STMND1: variants seen among roughly 807,000 people sequenced by gnomAD.
STMND1 encodes stathmin domain containing 1.
Under a neutral mutation model 23.0 loss-of-function variants are expected in STMND1, and 17 were observed. That is an observed-to-expected ratio of 0.74 (90% CI 0.51 to 1.11). STMND1 has a LOEUF of 1.11. Among genes scored for constraint, STMND1 ranks in the 50% least tolerant of loss-of-function variants. The probability of loss-of-function intolerance (pLI) is 0.00; values close to 1 mark genes in which losing one functional copy is unlikely to be tolerated. For synonymous variants in STMND1, 114 were observed against 119.9 expected (o/e 0.95, Z 0.32); for missense variants, 305 against 329.1 (o/e 0.93, Z 0.57).
chr6:17,115,080 C>T lies in STMND1; in HGVS notation c.200C>T (p.Pro67Leu), dbSNP rs1480806362. 1 of 1,535,990 alleles carries T rather than the reference C, an allele frequency of 6.5e-7. No homozygotes were observed. The highest frequency in any genetic ancestry group is 1.4e-5 in the African/African-American group (1 of 73,146). Residue 67 changes from proline to leucine, a missense_variant, in exon 2 of 5, where the codon CCT (proline) becomes CTT (leucine). Coordinates refer to ENST00000536551, the MANE Select transcript of STMND1 (RefSeq NM_001190766.2). ...GLEQVQMGSL[P>L]GTISENSPSP... ...GAACAAGTCCAGATGGGAAGCTTAC[C>T]TGGAACCATTTCAGAAAATTCTCCA... is the stretch of plus-strand genomic sequence containing the variant.
At chr6:17,129,773 G>A (rs1192438315) in intron 4 of STMND1, among the ~76,000 whole-genome samples, 2 of 152,072 alleles carry the variant, frequency 1.3e-5, no homozygotes, top group African/African-American at 4.8e-5. Context: ...GAACCCGGGA[G>A]GCAGAGCTTG....
chr6:17,125,153 C>CA (rs5874593), intron 3 of STMND1, among the ~76,000 whole-genome samples: 57,684 of 128,914 alleles, frequency 0.45, 12,272 homozygotes, highest in East Asian at 0.52. Flanking sequence ...GCCATTTCTA[C>CA]AAAAAAAAAA....
intron 2 of STMND1, among the ~76,000 whole-genome samples, chr6:17,116,208 A>C (rs536091296): frequency 8.2e-4 from 125 of 152,304 alleles, no homozygotes; most frequent in Non-Finnish European, 1.6e-3. Flanking sequence ...TGGTATGAAG[A>C]GGGTGACAGG....
intron 3 of STMND1, among the ~76,000 whole-genome samples, chr6:17,126,034 T>TTTTATATATATA (rs1348334184): frequency 3.1e-4 from 13 of 42,006 alleles, no homozygotes; most frequent in African/African-American, 1.5e-3. Context: ...GATCATTGTT[T>TTTTATATATATA]TATATATATA....
chr6:17,120,131 C>A (rs999036221), intron 2 of STMND1, among the ~76,000 whole-genome samples: 4 of 152,134 alleles, frequency 2.6e-5, no homozygotes, highest in Non-Finnish European at 5.9e-5. Flanking sequence ...TAGCAGATGG[C>A]GTAATTATAA....
intron 1 of STMND1, among the ~76,000 whole-genome samples, chr6:17,104,151 C>T (rs367819096): frequency 2.0e-4 from 31 of 152,142 alleles, no homozygotes; most frequent in Non-Finnish European, 3.4e-4. Flanking sequence ...GCCATTCCCT[C>T]TTCCTGAGAT....
chr6:17,107,727 G>C (rs1246114920), intron 1 of STMND1, among the ~76,000 whole-genome samples: 2 of 152,170 alleles, frequency 1.3e-5, no homozygotes, highest in African/African-American at 2.4e-5. Context: ...CTGCTGAGTA[G>C]CTGGGAATAC....
Position 17,129,161 on chromosome 6 carries a change from A to G in STMND1, c.461A>G (p.Lys154Arg). 1 of 1,535,892 alleles carries G rather than the reference A, an allele frequency of 6.5e-7. No individual in the cohort carries two copies. Among genetic ancestry groups the G allele is most frequent in the East Asian group, 2.4e-5 (1 of 40,888 alleles). Residue 154 changes from lysine (K) to arginine (R), a missense_variant, in exon 4 of 5, where the codon AAA (lysine) becomes AGA (arginine). Physicochemically the swap from Lys to Arg is conservative, Grantham distance 26 (BLOSUM62 2). Coordinates refer to ENST00000536551, the MANE Select transcript of STMND1 (RefSeq NM_001190766.2). ...PLRKPPSRLKKLKIKKQVKDF... is the reference protein window; with the variant it reads ...PLRKPPSRLKRLKIKKQVKDF... ...AGAAAGCCACCTTCCAGACTGAAAA[A>G]ACTCAAGATCAAAAAGCAAGTGAAG... is the stretch of plus-strand genomic sequence containing the variant.
intron 1 of STMND1, among the ~76,000 whole-genome samples, chr6:17,105,667 C>T (rs887730383): frequency 1.3e-5 from 2 of 148,940 alleles, no homozygotes; most frequent in African/African-American, 2.5e-5. Context: ...AATAAAATAC[C>T]TGTAATCCCA....
At chr6:17,117,667 CTTTTTTT>C (rs34107338) in intron 2 of STMND1, among the ~76,000 whole-genome samples, 1 of 49,580 alleles carries the variant, frequency 2.0e-5, no homozygotes, top group African/African-American at 8.6e-5. Context: ...TTGGGTTACG[CTTTTTTT>C]TTTTTTTTTT....
intron 2 of STMND1, among the ~76,000 whole-genome samples, chr6:17,118,197 G>T (rs945216921): frequency 6.6e-6 from 1 of 152,028 alleles, no homozygotes; most frequent in African/African-American, 2.4e-5. Flanking sequence ...AAATTCACCC[G>T]TGTTTTCTTG....
intron 3 of STMND1, chr6:17,128,859 C>T (rs534505162): frequency 5.8e-5 from 18 of 311,388 alleles, no homozygotes; most frequent in South Asian, 5.6e-4. Flanking sequence ...ACTACGGGCA[C>T]ACACCACCAT....
chr6:17,123,289 A>G (rs1761255827), intron 3 of STMND1, among the ~76,000 whole-genome samples: 1 of 152,232 alleles, frequency 6.6e-6, no homozygotes, highest in Admixed American at 6.5e-5. Flanking sequence ...CATACTATGT[A>G]GGCATATAGA....
chr6:17,129,465 G>C (rs1761356014), intron 4 of STMND1, among the ~76,000 whole-genome samples: 1 of 151,694 alleles, frequency 6.6e-6, no homozygotes, highest in African/African-American at 2.4e-5. Flanking sequence ...TTGAACTTTT[G>C]GGCTCAAGCG....
rs779148662 is a variant in STMND1, at chr6:17,120,643, C to G, written c.296C>G (p.Ser99Cys). 1.9e-5 allele frequency: 29 copies of G among 1,534,302 alleles called. No homozygotes were observed. The South Asian group carries it at 3.0e-4, about 16-fold the overall frequency. The change falls in exon 3 of 5, where the codon TCC becomes TGC. Residue 99 changes from serine to cysteine, a missense_variant. By Grantham distance (112) the Ser-to-Cys change is moderately radical. Coordinates refer to ENST00000536551, the MANE Select transcript of STMND1 (RefSeq NM_001190766.2). Reference protein sequence around the residue: ...VTNGLINKPQSLESRERQKSS... With the variant: ...VTNGLINKPQCLESRERQKSS... Reference sequence around the variant, plus strand: ...AATGGATTAATCAATAAACCCCAATCCCTAGAGAGTCGAGAGCGACAGAAG... The same window carrying G: ...AATGGATTAATCAATAAACCCCAATGCCTAGAGAGTCGAGAGCGACAGAAG...
At chr6:17,123,876 T>C (rs1157233701) in intron 3 of STMND1, among the ~76,000 whole-genome samples, 1 of 152,136 alleles carries the variant, frequency 6.6e-6, no homozygotes, top group African/African-American at 2.4e-5. Flanking sequence ...GCTGAGAACA[T>C]ATGTGTGTCA....
In STMND1 at chr6:17,102,182, C is replaced by T; in HGVS notation, c.-76C>T. On this transcript the variant is annotated 5_prime_UTR_variant, in exon 1 of 5. Transcript: ENST00000536551. ...GGGCGCAGGAGCGCGGGACCACCGG[C>T]GCCGGAGCGCGGCAGGGAGCGCTCG... is the stretch of plus-strand genomic sequence containing the variant. 1 of 1,394,114 alleles carries T rather than the reference C, an allele frequency of 7.2e-7. No homozygotes were observed. The highest frequency in any genetic ancestry group is 9.3e-7 in the Non-Finnish European group (1 of 1,075,826). The allele number at this position is 1,394,114 out of a possible 1,614,324, so 86.4% of individuals were successfully genotyped here.
At chr6:17,114,616 T>C (rs1044682221) in intron 1 of STMND1, among the ~76,000 whole-genome samples, 8 of 152,224 alleles carry the variant, frequency 5.3e-5, no homozygotes, top group Non-Finnish European at 1.2e-4. Context: ...GCATGTGCAG[T>C]GCACAATAGG....
chr6:17,113,089 A>C (rs7740105), intron 1 of STMND1, among the ~76,000 whole-genome samples: 34,247 of 152,180 alleles, frequency 0.23, 4,059 homozygotes, highest in East Asian at 0.36. Context: ...TTATGTGAGC[A>C]AACACATCTG....
Sources: allele counts gnomAD v4.1 joint callset (sites outside exome capture counted in the v4.1 genomes callset), GRCh38; gene constraint gnomAD v4.1.1; transcripts MANE v1.5; gene names NCBI Gene and HGNC (gene_info 2026-07-23, HGNC 2026-07-21).